Variants in RIMS2 observed in about 807,000 individuals in gnomAD.
The protein encoded by RIMS2 is regulating synaptic membrane exocytosis protein 2.
A neutral mutation model predicts 174.4 loss-of-function variants in RIMS2; 59 were observed. The observed-to-expected ratio is 0.34, with a 90% CI of 0.27 to 0.42. The LOEUF is 0.42. Ranked by LOEUF, RIMS2 falls within the 10% of genes least tolerant of loss-of-function variation. RIMS2 has a pLI of 1.00. For synonymous variants in RIMS2, 606 were observed against 572.5 expected (o/e 1.06, Z -0.84); for missense variants, 1,620 against 1,666.3 (o/e 0.97, Z 0.48).
At chr8:104,003,646 T>C (rs1224660467) in intron 17 of RIMS2, among the ~76,000 whole-genome samples, 1 of 152,152 alleles carries the variant, frequency 6.6e-6, no homozygotes, top group Non-Finnish European at 1.5e-5. Context: ...ACTCCTGACC[T>C]CAGGTGATCC....
chr8:103,738,340 T>C (rs2097714082), intron 2 of RIMS2, among the ~76,000 whole-genome samples: 1 of 152,176 alleles, frequency 6.6e-6, no homozygotes, highest in Non-Finnish European at 1.5e-5. Context: ...TGTAGAAAGC[T>C]GAAAATGGAT....
chr8:103,769,212 G>T (rs895856165), intron 3 of RIMS2, among the ~76,000 whole-genome samples: 1 of 152,176 alleles, frequency 6.6e-6, no homozygotes, highest in Non-Finnish European at 1.5e-5. Flanking sequence ...ATTAAGTTTT[G>T]GAATGCATTT....
chr8:103,826,415 A>C (rs1260501177), intron 3 of RIMS2, among the ~76,000 whole-genome samples: 1 of 151,676 alleles, frequency 6.6e-6, no homozygotes, highest in Non-Finnish European at 1.5e-5. Context: ...AGTGTGAGGT[A>C]GGGGTCAAGA....
intron 19 of RIMS2, among the ~76,000 whole-genome samples, chr8:104,126,682 A>G (rs2098434536): frequency 1.3e-5 from 2 of 152,246 alleles, no homozygotes; most frequent in Non-Finnish European, 2.9e-5. Flanking sequence ...AATGCCTACC[A>G]TAGGGTAAGC....
At chr8:104,144,936 C>A (rs1218910738) in intron 19 of RIMS2, among the ~76,000 whole-genome samples, 1 of 152,032 alleles carries the variant, frequency 6.6e-6, no homozygotes, top group Non-Finnish European at 1.5e-5. Context: ...ATACATATGT[C>A]GTCCAAAGCT....
At chr8:103,801,726 C>G (rs560499066) in intron 3 of RIMS2, among the ~76,000 whole-genome samples, 2 of 152,290 alleles carry the variant, frequency 1.3e-5, no homozygotes, top group Non-Finnish European at 2.9e-5. Context: ...TTTTAGTCTG[C>G]TATCCACTTG....
chr8:104,169,857 A>T (rs1280806067), intron 19 of RIMS2, among the ~76,000 whole-genome samples: 1 of 151,996 alleles, frequency 6.6e-6, no homozygotes, highest in Non-Finnish European at 1.5e-5. Flanking sequence ...AGAGGTTTTG[A>T]TAAGTTGTGT....
At chr8:103,606,427 G>T (rs940697842) in intron 1 of RIMS2, among the ~76,000 whole-genome samples, 8 of 151,746 alleles carry the variant, frequency 5.3e-5, no homozygotes, top group Admixed American at 3.9e-4. Context: ...CCAAGTATGT[G>T]GTCAATTTTG....
intron 3 of RIMS2, among the ~76,000 whole-genome samples, chr8:103,800,592 A>G (rs67432617): frequency 1.3e-5 from 2 of 152,076 alleles, no homozygotes; most frequent in Admixed American, 6.5e-5. Context: ...AAAGGATCAC[A>G]TGGTTTTTCC....
chr8:103,729,164 T>C (rs1044894362), intron 2 of RIMS2, among the ~76,000 whole-genome samples: 7 of 152,124 alleles, frequency 4.6e-5, no homozygotes, highest in African/African-American at 1.4e-4. Flanking sequence ...AGTTTTTCTT[T>C]AACTATTTGG....
At chr8:103,635,206 T>C (rs890819997) in intron 1 of RIMS2, among the ~76,000 whole-genome samples, 1 of 152,220 alleles carries the variant, frequency 6.6e-6, no homozygotes, top group East Asian at 1.9e-4. Flanking sequence ...GTGGTAGTGG[T>C]CTTTCTTTTC....
intron 17 of RIMS2, chr8:103,998,342 A>G (rs964230139): frequency 1.3e-5 from 10 of 753,808 alleles, no homozygotes; most frequent in Admixed American, 2.5e-5. Context: ...GTTTTTATGT[A>G]TATACATATA....
intron 19 of RIMS2, among the ~76,000 whole-genome samples, chr8:104,181,028 A>G (rs2098936577): frequency 6.6e-6 from 1 of 151,724 alleles, no homozygotes; most frequent in East Asian, 1.9e-4. Context: ...TTTGGTATTA[A>G]GCAGAAAAAT....
rs1329938523 is a variant in RIMS2, at chr8:103,652,241, A to T, written c.177-44845A>T. The T allele has an allele frequency of 1.5e-6, 2 of 1,347,308 alleles. 1 individual carries two copies. Among genetic ancestry groups the T allele is most frequent in the South Asian group, 2.3e-5 (2 of 87,862 alleles). The allele number at this position is 1,347,308 out of a possible 1,614,324, so 83.5% of individuals were successfully genotyped here. On this transcript the variant is annotated intron_variant, in intron 1 of 23. Coordinates refer to ENST00000504942, the Ensembl canonical transcript of RIMS2. Reference sequence around the variant, plus strand: ...AACACAAACCACAACTGACACAGTAAGTAAATGTATTAAGAGTGTAGTAGG... The same window carrying T: ...AACACAAACCACAACTGACACAGTATGTAAATGTATTAAGAGTGTAGTAGG...
At chr8:103,919,774 G>A (rs2077255285) in intron 9 of RIMS2, among the ~76,000 whole-genome samples, 1 of 151,972 alleles carries the variant, frequency 6.6e-6, no homozygotes, top group African/African-American at 2.4e-5. Context: ...TTTACAATAT[G>A]GTCCCATGGC....
chr8:104,255,344 T>A (rs1192156532), downstream of RIMS2: 1 of 152,006 alleles, frequency 6.6e-6, no homozygotes, highest in Non-Finnish European at 1.5e-5. Context: ...GTTTCTTTGT[T>A]GTTCATTCCT....
chr8:103,871,631 T>G (rs2099112416), intron 3 of RIMS2, among the ~76,000 whole-genome samples: 1 of 152,132 alleles, frequency 6.6e-6, no homozygotes, highest in Admixed American at 6.6e-5. Flanking sequence ...TTACAAAGGT[T>G]TTTTTTAATG....
intron 1 of RIMS2, among the ~76,000 whole-genome samples, chr8:103,625,364 A>G (rs73696667): frequency 0.048 from 7,343 of 152,232 alleles, 584 homozygotes; most frequent in African/African-American, 0.17. Context: ...TTCTGGTTGA[A>G]GAGCTACATT....
chr8:103,934,274 G>T (rs1236887980), intron 12 of RIMS2, among the ~76,000 whole-genome samples: 5 of 151,994 alleles, frequency 3.3e-5, no homozygotes, highest in African/African-American at 7.2e-5. Flanking sequence ...TTCATTAAAA[G>T]ATCATTTATT....
Sources: allele counts gnomAD v4.1 joint callset (sites outside exome capture counted in the v4.1 genomes callset), GRCh38; gene constraint gnomAD v4.1.1; transcripts MANE v1.5; gene names NCBI Gene and HGNC (gene_info 2026-07-23, HGNC 2026-07-21).